The following ST6GALNAC3 variants were observed in gnomAD, a reference collection of about 807,000 sequenced individuals.
The protein encoded by ST6GALNAC3 is ST6 N-acetylgalactosaminide alpha-2,6-sialyltransferase 3.
Under a neutral mutation model 32.7 loss-of-function variants are expected in ST6GALNAC3, and 25 were observed. That is an observed-to-expected ratio of 0.76 (90% confidence interval 0.56 to 1.07). The LOEUF (loss-of-function observed/expected upper bound fraction) is 1.07, where lower values mean the gene tolerates loss of function less well. ST6GALNAC3 is among the 50% of genes least tolerant of loss of function. ST6GALNAC3 has a pLI of 0.00. For synonymous variants in ST6GALNAC3, 129 were observed against 133.1 expected, an observed-to-expected ratio of 0.97 and a Z score of 0.21; for missense variants, 355 against 382.4, an observed-to-expected ratio of 0.93 and a Z score of 0.60.
chr1:76,465,249 C>T (rs574545512), intron 3 of ST6GALNAC3, among the ~76,000 whole-genome samples: 3 of 152,176 alleles, frequency 2.0e-5, no homozygotes, highest in Non-Finnish European at 4.4e-5. Flanking sequence ...AGATTTTGAA[C>T]TTGTGTCCTT....
chr1:76,353,304 C>G (rs942614557), intron 2 of ST6GALNAC3, among the ~76,000 whole-genome samples: 1 of 152,176 alleles, frequency 6.6e-6, no homozygotes, highest in Non-Finnish European at 1.5e-5. Context: ...GCTGGCCATT[C>G]TTGTCTGAGC....
chr1:76,624,191 A>G (rs1648819057), intron 3 of ST6GALNAC3, among the ~76,000 whole-genome samples: 3 of 151,932 alleles, frequency 2.0e-5, no homozygotes, highest in Admixed American at 6.6e-5. Context: ...TTAAAGAGCT[A>G]TTGAGCTAAT....
chr1:76,461,495 A>G (rs1658276480), intron 3 of ST6GALNAC3, among the ~76,000 whole-genome samples: 1 of 152,236 alleles, frequency 6.6e-6, no homozygotes, highest in Non-Finnish European at 1.5e-5. Flanking sequence ...TCACTTTGGA[A>G]GAATGGTGCT....
rs554915308 is a variant in ST6GALNAC3 at position 76,270,984 on chromosome 1, G to A, written c.19-42821G>A. On this transcript the variant is annotated intron_variant, in intron 1 of 4. Transcript: ENST00000328299. ...CCCGGAGATGAACCCAAGGGACAACGGGCTCAAAGAACATAGATGATACCA... is the reference window on the plus strand; with the variant it reads ...CCCGGAGATGAACCCAAGGGACAACAGGCTCAAAGAACATAGATGATACCA... 9.9e-5 allele frequency among the ~76,000 whole-genome samples: 15 copies of A among 152,206 alleles called. No homozygotes were observed. In the South Asian group the frequency reaches 2.9e-3, roughly 30 times the overall value.
chr1:76,339,560 C>T (rs1410425132), intron 2 of ST6GALNAC3, among the ~76,000 whole-genome samples: 1 of 152,070 alleles, frequency 6.6e-6, no homozygotes, highest in East Asian at 1.9e-4. Context: ...AATGGGAAAC[C>T]AATGCATTAA....
chr1:76,219,500 C>A (rs1655650057), intron 1 of ST6GALNAC3, among the ~76,000 whole-genome samples: 2 of 152,192 alleles, frequency 1.3e-5, no homozygotes, highest in South Asian at 4.1e-4. Flanking sequence ...CCTAGCTTGT[C>A]TCTGCAGCAA....
intron 1 of ST6GALNAC3, among the ~76,000 whole-genome samples, chr1:76,080,325 G>C (rs1447898697): frequency 1.3e-5 from 2 of 152,116 alleles, no homozygotes; most frequent in African/African-American, 4.8e-5. Context: ...ATAGACACAG[G>C]TCCAACCTGT....
intron 3 of ST6GALNAC3, among the ~76,000 whole-genome samples, chr1:76,625,029 G>C (rs1192479148): frequency 6.6e-6 from 1 of 151,918 alleles, no homozygotes; most frequent in Non-Finnish European, 1.5e-5. Context: ...TCTCATTTTA[G>C]ACACAAGGAA....
At chr1:76,134,810 T>C (rs12140157) in intron 1 of ST6GALNAC3, among the ~76,000 whole-genome samples, 54,733 of 152,080 alleles carry the variant, frequency 0.36, 12,279 homozygotes, top group South Asian at 0.52. Flanking sequence ...GCTAAGTAAC[T>C]ACCTGTTACT....
At chr1:76,625,173 C>T (rs779241396) in intron 3 of ST6GALNAC3, among the ~76,000 whole-genome samples, 1 of 151,976 alleles carries the variant, frequency 6.6e-6, no homozygotes, top group African/African-American at 2.4e-5. Flanking sequence ...CATGGCTGTG[C>T]TTTGTTGCAC....
At chr1:76,423,644 T>G (rs993923515) in intron 3 of ST6GALNAC3, among the ~76,000 whole-genome samples, 1 of 151,976 alleles carries the variant, frequency 6.6e-6, no homozygotes, top group Non-Finnish European at 1.5e-5. Context: ...TATTTTCTTT[T>G]TCTTTATAAT....
chr1:76,385,116 C>T (rs1651992461), intron 2 of ST6GALNAC3, among the ~76,000 whole-genome samples: 1 of 151,894 alleles, frequency 6.6e-6, no homozygotes, highest in South Asian at 2.1e-4. Context: ...ACTTCATTAA[C>T]ACATGTTTAA....
intron 3 of ST6GALNAC3, among the ~76,000 whole-genome samples, chr1:76,593,898 C>G (rs916164190): frequency 3.9e-5 from 6 of 152,056 alleles, no homozygotes; most frequent in African/African-American, 1.4e-4. Flanking sequence ...GGAGGGAGAC[C>G]TACTCATTTG....
chr1:76,444,173 G>A (rs1022814312), intron 3 of ST6GALNAC3, among the ~76,000 whole-genome samples: 2 of 152,178 alleles, frequency 1.3e-5, no homozygotes, highest in African/African-American at 4.8e-5. Context: ...ATAGCCGCTG[G>A]CATGGCAGGC....
chr1:76,459,136 A>G (rs1234175485), intron 3 of ST6GALNAC3, among the ~76,000 whole-genome samples: 1 of 152,144 alleles, frequency 6.6e-6, no homozygotes, highest in Non-Finnish European at 1.5e-5. Flanking sequence ...TATAGAAATA[A>G]TCTCTAAGCC....
intron 1 of ST6GALNAC3, among the ~76,000 whole-genome samples, chr1:76,227,967 G>A (rs1656168871): frequency 6.6e-6 from 1 of 152,178 alleles, no homozygotes; most frequent in Admixed American, 6.5e-5. Flanking sequence ...TCTAAAACCT[G>A]CAAGTACTCA....
rs377522327 is a variant in ST6GALNAC3, at chr1:76,314,465, G to A, written c.213+466G>A. 2.6e-5 allele frequency among the ~76,000 whole-genome samples: 4 copies of A among 152,082 alleles called. No individual in the cohort carries two copies. The East Asian group carries it at 5.8e-4, about 22-fold the overall frequency. On this transcript the variant is annotated intron_variant, in intron 2 of 4. Transcript: ENST00000328299. ...CCAAGCTGATTTTAAAATTTGCAGT[G>A]GCTGCAGAGATAATGGGATTTAAAG...
chr1:76,275,824 G>A (rs959400793), intron 1 of ST6GALNAC3, among the ~76,000 whole-genome samples: 4 of 152,052 alleles, frequency 2.6e-5, no homozygotes, highest in African/African-American at 9.7e-5. Context: ...TACTTGTCTT[G>A]TAAGAGCATT....
At chr1:76,183,858 A>G in intron 1 of ST6GALNAC3, among the ~76,000 whole-genome samples, 1 of 145,586 alleles carries the variant, frequency 6.9e-6, no homozygotes, top group African/African-American at 2.5e-5. Context: ...ATGAATATAT[A>G]TATATATATA....
Sources: allele counts gnomAD v4.1 joint callset (sites outside exome capture counted in the v4.1 genomes callset), GRCh38; gene constraint gnomAD v4.1.1; transcripts MANE v1.5; gene names NCBI Gene and HGNC (gene_info 2026-07-23, HGNC 2026-07-21).